The following ARIH1 variants were observed in gnomAD, a reference collection of about 807,000 sequenced individuals.
ARIH1 encodes ariadne RBR E3 ubiquitin protein ligase 1, also known as E3 ubiquitin-protein ligase ARIH1.
In ARIH1, 8 loss-of-function variants were observed where a neutral mutation model predicts 85.0. The ratio of observed to expected loss-of-function variants is 0.09; its 90% confidence interval spans 0.06 to 0.17. The LOEUF (loss-of-function observed/expected upper bound fraction) is 0.17, where lower values mean the gene tolerates loss of function less well. Ranked by LOEUF, ARIH1 falls within the 10% of genes least tolerant of loss-of-function variation. The probability of loss-of-function intolerance (pLI) is 1.00; values close to 1 mark genes in which losing one functional copy is unlikely to be tolerated. For missense variants in ARIH1, 311 were observed against 718.1 expected (o/e 0.43, Z 6.48); for synonymous variants, 238 against 253.6 (o/e 0.94, Z 0.59).
intron 1 of ARIH1, among the ~76,000 whole-genome samples, chr15:72,514,682 C>T (rs1034052677): frequency 4.7e-5 from 7 of 149,394 alleles, no homozygotes; most frequent in Non-Finnish European, 7.4e-5. Flanking sequence ...CCATCCTGGA[C>T]GACAAAGCAA....
At position 72,591,442 on chromosome 15, in the gene ARIH1, CTTA is replaced by C. The variant is rs2064343353; in HGVS notation, c.*8152_*8154del. 1 of 152,118 alleles carries C rather than the reference CTTA, an allele frequency of 6.6e-6. No homozygotes were observed. The highest frequency in any genetic ancestry group is 2.4e-5 in the African/African-American group (1 of 41,400). 9.4% of individuals were successfully genotyped at this position (152,118 alleles called of 1,614,324 possible). ...TGTTCTTAGAATTATGAATCTGAGG[CTTA>C]TGCAGTGAGGCTCTAGCTCTCTGGA... On this transcript the variant is annotated 3_prime_UTR_variant, in exon 14 of 14. Transcript: ENST00000379887.
At chr15:72,499,857 C>T (rs2063895396) in intron 1 of ARIH1, among the ~76,000 whole-genome samples, 1 of 152,122 alleles carries the variant, frequency 6.6e-6, no homozygotes, top group Non-Finnish European at 1.5e-5. Flanking sequence ...ATGTCTTTTT[C>T]TTGACTGAAT....
intron 2 of ARIH1, among the ~76,000 whole-genome samples, chr15:72,531,872 A>G (rs1204720550): frequency 6.6e-6 from 1 of 152,194 alleles, no homozygotes; most frequent in Non-Finnish European, 1.5e-5. Context: ...AAAGCCAACC[A>G]ACATTTTGTT....
At chr15:72,477,704 C>T (rs888210608) in intron 1 of ARIH1, among the ~76,000 whole-genome samples, 24 of 151,976 alleles carry the variant, frequency 1.6e-4, no homozygotes, top group Non-Finnish European at 2.2e-4. Flanking sequence ...AATAAAAGAC[C>T]AAATTAAACA....
intron 11 of ARIH1, among the ~76,000 whole-genome samples, chr15:72,580,083 C>T (rs2064289331): frequency 6.6e-6 from 1 of 152,162 alleles, no homozygotes; most frequent in African/African-American, 2.4e-5. Flanking sequence ...CATTCCCTCC[C>T]TTCCTACCCC....
At chr15:72,529,004 TC>T (rs778095676) in intron 2 of ARIH1, among the ~76,000 whole-genome samples, 1 of 151,864 alleles carries the variant, frequency 6.6e-6, no homozygotes, top group Non-Finnish European at 1.5e-5. Context: ...ATCGAGACCA[TC>T]CTGGCTAACA....
At chr15:72,498,538 C>T (rs530717981) in intron 1 of ARIH1, among the ~76,000 whole-genome samples, 60 of 152,300 alleles carry the variant, frequency 3.9e-4, no homozygotes, top group African/African-American at 1.4e-3. Flanking sequence ...TCTGTATACC[C>T]TTGCTGATAA....
chr15:72,545,069 C>T, intron 3 of ARIH1, 105 bp downstream of exon 3: 1 of 1,049,498 alleles, frequency 9.5e-7, no homozygotes, highest in Non-Finnish European at 1.3e-6. Context: ...GGAGTAGTAA[C>T]CTCTAAGCCA....
intron 10 of ARIH1, 54 bp from the exon 11 acceptor site, chr15:72,572,054 T>C: frequency 7.7e-7 from 1 of 1,295,332 alleles, no homozygotes; most frequent in South Asian, 1.3e-5. Context: ...TTTTTTTTTT[T>C]TCCTTTTCAT....
chr15:72,508,842 C>A (rs934042430), intron 1 of ARIH1, among the ~76,000 whole-genome samples: 4 of 151,904 alleles, frequency 2.6e-5, no homozygotes, highest in African/African-American at 9.7e-5. Flanking sequence ...TACAGGCATA[C>A]GCCACCATGC....
At chr15:72,556,155 T>G (rs757130883) in intron 5 of ARIH1, among the ~76,000 whole-genome samples, 1 of 152,052 alleles carries the variant, frequency 6.6e-6, no homozygotes, top group Non-Finnish European at 1.5e-5. Flanking sequence ...TTAGAATGTG[T>G]GTATGTGTTA....
intron 1 of ARIH1, among the ~76,000 whole-genome samples, chr15:72,511,782 C>T (rs1319522228): frequency 2.6e-5 from 4 of 152,106 alleles, no homozygotes; most frequent in East Asian, 1.9e-4. Flanking sequence ...TGTAAGACTC[C>T]GTCCAGTACA....
chr15:72,591,293 C>T lies in ARIH1; in HGVS notation c.*8001C>T, dbSNP rs910845173. 1.3e-5 allele frequency: 2 copies of T among 151,170 alleles called. No homozygotes were observed. Among genetic ancestry groups the T allele is most frequent in the Admixed American group, 1.3e-4 (2 of 15,178 alleles). The allele number at this position is 151,170 out of a possible 1,614,324, so 9.4% of individuals were successfully genotyped here. On this transcript the variant is annotated 3_prime_UTR_variant, in exon 14 of 14. Transcript: ENST00000379887. ...CAACTCTTTATAGTAGACAGTTTAT[C>T]CCCCAGAAAGCTTTTTAGGCTGAAA...
intron 3 of ARIH1, among the ~76,000 whole-genome samples, chr15:72,548,446 GAC>G (rs2064138887): frequency 6.6e-6 from 1 of 152,096 alleles, no homozygotes. Flanking sequence ...AAGAGTCACT[GAC>G]TTGAAGGTGG....
At chr15:72,575,551 CAAAAAAAAAAAAAAA>C (rs59727915) in intron 11 of ARIH1, among the ~76,000 whole-genome samples, 1 of 60,562 alleles carries the variant, frequency 1.7e-5, no homozygotes, top group Non-Finnish European at 3.2e-5. Flanking sequence ...ACCCTGTCTC[CAAAAAAAAAAAAAAA>C]AAAAAAAAAA....
At chr15:72,497,988 A>T (rs936901407) in intron 1 of ARIH1, among the ~76,000 whole-genome samples, 35 of 152,180 alleles carry the variant, frequency 2.3e-4, no homozygotes, top group African/African-American at 8.0e-4. Context: ...GATGTTTCGA[A>T]TCAATAGTGT....
At chr15:72,547,444 G>T in intron 3 of ARIH1, among the ~76,000 whole-genome samples, 1 of 152,094 alleles carries the variant, frequency 6.6e-6, no homozygotes, top group Non-Finnish European at 1.5e-5. Context: ...TATTGGCCAG[G>T]CTGGTCTTGA....
chr15:72,583,123 G>A, intron 13 of ARIH1, 85 bp from the exon 14 acceptor site: 1 of 1,045,906 alleles, frequency 9.6e-7, no homozygotes, highest in Non-Finnish European at 1.4e-6. Context: ...ATAAACTATA[G>A]GGATGCCTTA....
intron 2 of ARIH1, among the ~76,000 whole-genome samples, chr15:72,544,612 A>AAC (rs972489059): frequency 6.7e-6 from 1 of 149,826 alleles, no homozygotes; most frequent in African/African-American, 2.5e-5. Flanking sequence ...TGCTGTTTGC[A>AAC]ATATATATAT....
Sources: allele counts gnomAD v4.1 joint callset (sites outside exome capture counted in the v4.1 genomes callset), GRCh38; gene constraint gnomAD v4.1.1; transcripts MANE v1.5; gene names NCBI Gene and HGNC (gene_info 2026-07-23, HGNC 2026-07-21).